AHCTF1: variants seen among roughly 807,000 people sequenced by gnomAD.
AHCTF1 encodes AT-hook containing transcription factor 1, also known as protein ELYS.
Under a neutral mutation model 248.4 loss-of-function variants are expected in AHCTF1, and 24 were observed. The ratio of observed to expected loss-of-function variants is 0.10; its 90% CI spans 0.07 to 0.14. AHCTF1 has a LOEUF of 0.14. Among genes scored for constraint, AHCTF1 ranks in the 10% least tolerant of loss-of-function variants. The pLI is 1.00. For missense variants in AHCTF1, 2,206 were observed against 2,636.2 expected, an observed-to-expected ratio of 0.84 and a Z score of 3.57; for synonymous variants, 786 against 929.8, an observed-to-expected ratio of 0.85 and a Z score of 2.81.
intron 4 of AHCTF1, among the ~76,000 whole-genome samples, chr1:246,912,538 CG>C (rs947247733): frequency 3.3e-5 from 5 of 150,914 alleles, no homozygotes; most frequent in Admixed American, 1.3e-4. Context: ...AAAATTTTTT[CG>C]GGTCAAATAC....
At chr1:246,928,526 A>G (rs1033907585) in intron 1 of AHCTF1, among the ~76,000 whole-genome samples, 2 of 152,174 alleles carry the variant, frequency 1.3e-5, no homozygotes, top group African/African-American at 4.8e-5. Flanking sequence ...ATGTTAAACA[A>G]TAAAATCAAT....
chr1:246,915,191 G>A (rs934185215), intron 3 of AHCTF1, among the ~76,000 whole-genome samples: 3 of 152,102 alleles, frequency 2.0e-5, no homozygotes, highest in African/African-American at 7.2e-5. Context: ...TTAGCTGGGC[G>A]TGGTGGTGCA....
chr1:246,867,533 A>C, intron 25 of AHCTF1, 128 bp downstream of exon 25: 12 of 1,252,868 alleles, frequency 9.6e-6, no homozygotes, highest in Non-Finnish European at 1.2e-5. Context: ...CATAGCCAAC[A>C]TAAAGAGTTT....
intron 21 of AHCTF1, among the ~76,000 whole-genome samples, chr1:246,880,946 AG>A (rs1663356546): frequency 6.6e-6 from 1 of 152,216 alleles, no homozygotes; most frequent in Non-Finnish European, 1.5e-5. Context: ...CATTTTAATA[AG>A]GAATGCATGG....
intron 24 of AHCTF1, among the ~76,000 whole-genome samples, chr1:246,873,525 C>G (rs1349121812): frequency 6.6e-6 from 1 of 151,222 alleles, no homozygotes; most frequent in Non-Finnish European, 1.5e-5. Context: ...TCCTGCATCA[C>G]AGTGAAGGGA....
Position 246,855,591 on chromosome 1 carries a change from G to T in AHCTF1, c.4354+139C>A, listed in dbSNP as rs1199581806. On this transcript the variant is annotated intron_variant, in intron 31 of 35. Coordinates refer to ENST00000648844, the MANE Select transcript of AHCTF1 (RefSeq NM_001323342.2). Reference sequence around the variant, plus strand: ...ATCTCCTTAGAATACTTCTACACCAGGAAAGCTGACCAGAGAGAGGAATAA... The same window carrying T: ...ATCTCCTTAGAATACTTCTACACCATGAAAGCTGACCAGAGAGAGGAATAA... The T allele has an allele frequency of 6.1e-6, 4 of 652,136 alleles. No individual in the cohort carries two copies. In the East Asian group the frequency reaches 8.6e-5, roughly 14 times the overall value. 40.4% of individuals were successfully genotyped at this position (652,136 alleles called of 1,614,324 possible).
At chr1:246,887,501 C>T in intron 19 of AHCTF1, 144 bp from the exon 20 acceptor site, 1 of 782,662 alleles carries the variant, frequency 1.3e-6, no homozygotes, top group Non-Finnish European at 2.0e-6. Flanking sequence ...CATGGAGAGT[C>T]AGCAATGAGA....
rs188627042 is a variant in AHCTF1 at position 246,853,228 on chromosome 1, G to A, written c.4426C>T (p.Arg1476Cys). ...AGCGCTACTTCCTGGTTAAGCCTGC[G>A]CTCAGAGACAATAGGACCTTCAGAG... is the stretch of plus-strand genomic sequence containing the variant. ...TISEGPIVSERRLNQEVALNL... is the reference protein window; with the variant it reads ...TISEGPIVSECRLNQEVALNL... The change falls in exon 32 of 36, where the codon CGC (arginine) becomes TGC (cysteine). Residue 1476 changes from arginine (R) to cysteine (C), a missense_variant. By Grantham distance (180) the Arg-to-Cys change is radical. Coordinates refer to ENST00000648844, the MANE Select transcript of AHCTF1 (RefSeq NM_001323342.2). 49 of 1,613,738 alleles carry A rather than the reference G, an allele frequency of 3.0e-5. 1 individual carries two copies. Among genetic ancestry groups the A allele is most frequent in the South Asian group, 7.7e-5 (7 of 91,002 alleles).
At chr1:246,855,647 G>A in intron 31 of AHCTF1, 83 bp downstream of exon 31, 7 of 1,080,362 alleles carry the variant, frequency 6.5e-6, no homozygotes, top group Non-Finnish European at 8.2e-6. Context: ...TAACACAATA[G>A]ATTATTTTGT....
At chr1:246,931,289 G>A in intron 1 of AHCTF1, 1 of 1,547,868 alleles carries the variant, frequency 6.5e-7, no homozygotes. Context: ...CCCGACTGCC[G>A]GCGCAGGACG....
At chr1:246,885,706 A>T (rs376943640) in intron 20 of AHCTF1, 26 bp from the exon 21 acceptor site, 34 of 1,572,940 alleles carry the variant, frequency 2.2e-5, no homozygotes, top group Non-Finnish European at 2.9e-5. Flanking sequence ...AAAATGTTAA[A>T]TATAAATATA....
chr1:246,903,889 A>G (rs1030755228), intron 7 of AHCTF1, 60 bp downstream of exon 7: 19 of 1,242,288 alleles, frequency 1.5e-5, no homozygotes, highest in Non-Finnish European at 2.1e-5. Flanking sequence ...CAAAGACAAC[A>G]TATTTAAAAT....
intron 23 of AHCTF1, 107 bp from the exon 24 acceptor site, chr1:246,876,294 C>G (rs149623746): frequency 7.6e-5 from 75 of 993,024 alleles, no homozygotes; most frequent in Admixed American, 2.1e-4. Flanking sequence ...AAAATCTTCC[C>G]CCTACCTACA....
At chr1:246,904,749 T>C (rs1195313442) in intron 6 of AHCTF1, among the ~76,000 whole-genome samples, 5 of 152,182 alleles carry the variant, frequency 3.3e-5, no homozygotes. Context: ...AGCCACATCA[T>C]CTGAATCTGA....
chr1:246,927,942 A>G (rs1667059857), intron 1 of AHCTF1, among the ~76,000 whole-genome samples: 3 of 150,682 alleles, frequency 2.0e-5, no homozygotes, highest in Non-Finnish European at 4.4e-5. Flanking sequence ...AGAGGTTGCA[A>G]TAAGCCAAGA....
At chr1:246,922,749 AAG>A (rs1666634582) in intron 1 of AHCTF1, among the ~76,000 whole-genome samples, 1 of 150,270 alleles carries the variant, frequency 6.7e-6, no homozygotes, top group Non-Finnish European at 1.5e-5. Context: ...TTGGGAGGCC[AAG>A]GAGGGCGGAT....
At chr1:246,918,139 A>T in intron 2 of AHCTF1, 111 bp downstream of exon 2, 2 of 975,518 alleles carry the variant, frequency 2.1e-6, no homozygotes, top group Non-Finnish European at 2.8e-6. Context: ...ATTTAAGATC[A>T]CTCAGGTTCT....
At chr1:246,882,000 T>G (rs1197050769) in intron 21 of AHCTF1, among the ~76,000 whole-genome samples, 1 of 137,344 alleles carries the variant, frequency 7.3e-6, no homozygotes, top group Non-Finnish European at 1.6e-5. Context: ...TTACTTTTTT[T>G]TTTGTTTTTT....
chr1:246,853,386 C>A, intron 31 of AHCTF1, 87 bp from the exon 32 acceptor site: 1 of 1,086,174 alleles, frequency 9.2e-7, no homozygotes, highest in Non-Finnish European at 1.3e-6. Flanking sequence ...AAAGGCTACA[C>A]TGCACTTGAA....
Sources: gnomAD v4.1 joint callset for allele counts (sites outside exome capture counted in the v4.1 genomes callset) on GRCh38, gnomAD v4.1.1 for gene constraint, MANE v1.5 for transcripts, NCBI Gene and HGNC (gene_info 2026-07-23, HGNC 2026-07-21) for gene names.